The following DCDC2C variants were observed in gnomAD, a reference collection of about 807,000 sequenced individuals.
DCDC2C encodes the protein doublecortin domain-containing protein 2C.
A neutral mutation model predicts 45.0 loss-of-function variants in DCDC2C; 44 were observed. The ratio of observed to expected loss-of-function variants is 0.98; its 90% CI spans 0.77 to 1.26. The LOEUF is 1.26. Among genes scored for constraint, DCDC2C ranks in the 50% most tolerant of loss-of-function variants. DCDC2C has a pLI of 0.00. For synonymous variants in DCDC2C, 187 were observed against 178.8 expected, an observed-to-expected ratio of 1.05 and a Z score of -0.37; for missense variants, 447 against 468.9, an observed-to-expected ratio of 0.95 and a Z score of 0.43.
At chr2:3,839,090 C>T (rs1672149178) in intron 10 of DCDC2C, among the ~76,000 whole-genome samples, 2 of 152,132 alleles carry the variant, frequency 1.3e-5, no homozygotes, top group Non-Finnish European at 2.9e-5. Context: ...CACAGGGGGA[C>T]AGGAAAGCCT....
intron 10 of DCDC2C, among the ~76,000 whole-genome samples, chr2:3,787,377 A>G (rs369008436): frequency 2.0e-5 from 3 of 152,332 alleles, no homozygotes; most frequent in East Asian, 3.9e-4. Flanking sequence ...GAGTGTAAAG[A>G]TTAGAAGTAT....
At chr2:3,742,535 G>A (rs746316765) in intron 4 of DCDC2C, among the ~76,000 whole-genome samples, 12 of 152,110 alleles carry the variant, frequency 7.9e-5, no homozygotes, top group East Asian at 3.9e-4. Flanking sequence ...GGGGTCTGGC[G>A]TGGAGCAAAT....
At chr2:3,837,917 G>T (rs556552221) in intron 10 of DCDC2C, among the ~76,000 whole-genome samples, 37 of 152,274 alleles carry the variant, frequency 2.4e-4, no homozygotes, top group Middle Eastern at 6.8e-3. Context: ...GAAGTGTGGG[G>T]TAGGGCCTGT....
chr2:3,750,298 T>G (rs1024803643), intron 4 of DCDC2C, among the ~76,000 whole-genome samples: 42 of 152,218 alleles, frequency 2.8e-4, no homozygotes, highest in African/African-American at 9.4e-4. Context: ...ATGTTTTCTT[T>G]GATCTTAGCT....
At chr2:3,712,699 T>G (rs570442042) in intron 2 of DCDC2C, among the ~76,000 whole-genome samples, 1 of 152,240 alleles carries the variant, frequency 6.6e-6, no homozygotes, top group African/African-American at 2.4e-5. Context: ...AGAAATGCTT[T>G]GGTGAGATGC....
At chr2:3,802,464 G>A (rs913940220) in intron 10 of DCDC2C, among the ~76,000 whole-genome samples, 25 of 152,198 alleles carry the variant, frequency 1.6e-4, no homozygotes, top group Admixed American at 9.8e-4. Context: ...TGGGGACACT[G>A]AGTATAGGCT....
At chr2:3,747,136 A>ACACACATGCACGCAGCACACAG in intron 4 of DCDC2C, among the ~76,000 whole-genome samples, 1 of 152,150 alleles carries the variant, frequency 6.6e-6, no homozygotes, top group South Asian at 2.1e-4. Flanking sequence ...CCAGGGCGGG[A>ACACACATGCACGCAGCACACAG]CACACATGCA....
At chr2:3,831,905 C>T (rs13425182) in intron 10 of DCDC2C, among the ~76,000 whole-genome samples, 70,887 of 152,104 alleles carry the variant, frequency 0.47, 16,578 homozygotes, top group East Asian at 0.57. Context: ...AAACCATGCG[C>T]GAATGGAAGG....
chr2:3,758,437 G>A (rs1201917394), intron 6 of DCDC2C, among the ~76,000 whole-genome samples: 1 of 152,166 alleles, frequency 6.6e-6, no homozygotes, highest in Non-Finnish European at 1.5e-5. Context: ...TTTTCTGTGA[G>A]AATTGAAACA....
intron 10 of DCDC2C, among the ~76,000 whole-genome samples, chr2:3,837,806 C>T (rs1421088292): frequency 6.6e-6 from 1 of 152,172 alleles, no homozygotes; most frequent in Non-Finnish European, 1.5e-5. Context: ...GTGTGGAGTC[C>T]GTGCGTGGTG....
chr2:3,838,460 G>A (rs199883443), intron 10 of DCDC2C, among the ~76,000 whole-genome samples: 2 of 73,166 alleles, frequency 2.7e-5, no homozygotes, highest in Non-Finnish European at 6.2e-5. Flanking sequence ...GACAGAGAGA[G>A]AGAGAGAGAG....
At chr2:3,755,105 ATG>A (rs1033104772) in intron 6 of DCDC2C, among the ~76,000 whole-genome samples, 19 of 152,212 alleles carry the variant, frequency 1.2e-4, no homozygotes, top group African/African-American at 2.2e-4. Flanking sequence ...GTACTGGTGC[ATG>A]TGTGTGTATA....
chr2:3,703,980 G>A lies in DCDC2C; in HGVS notation c.229G>A (p.Ala77Thr), dbSNP rs1040481051. 9 of 1,298,460 alleles carry A rather than the reference G, an allele frequency of 6.9e-6. No individual in the cohort carries two copies. Among genetic ancestry groups the A allele is most frequent in the East Asian group, 3.1e-5 (1 of 31,932 alleles). The allele number at this position is 1,298,460 out of a possible 1,614,324, so 80.4% of individuals were successfully genotyped here. ...TGGGCACCGGGTGCTGGGGCTGGAC[G>A]CGCTGCAGGCGGGCGGCAAGTACGT... Reference protein sequence around the residue: ...TRGHRVLGLDALQAGGKYVAA... With the variant: ...TRGHRVLGLDTLQAGGKYVAA... The change falls in exon 1 of 11, where the codon GCG (alanine) becomes ACG (threonine). Residue 77 changes from alanine (A) to threonine (T), a missense_variant. Physicochemically the swap from Ala to Thr is moderately conservative, Grantham distance 58. Coordinates refer to ENST00000399143, the MANE Select transcript of DCDC2C (RefSeq NM_001287444.2). This position sits in a 1 kb window ranked among gnomAD's most constrained non-coding sequence, Gnocchi z 4.4.
At chr2:3,704,669 A>G (rs1572543407) in intron 1 of DCDC2C, among the ~76,000 whole-genome samples, 1 of 16,394 alleles carries the variant, frequency 6.1e-5, no homozygotes, top group Non-Finnish European at 1.0e-4. Context: ...GGGTGTGGAG[A>G]GGGGCGTGGG....
chr2:3,833,402 A>G (rs1203307581), intron 10 of DCDC2C, among the ~76,000 whole-genome samples: 5 of 152,178 alleles, frequency 3.3e-5, no homozygotes, highest in African/African-American at 7.2e-5. Context: ...TGTATCTTGT[A>G]GTCACATAAA....
intron 1 of DCDC2C, 111 bp from the exon 2 acceptor site, chr2:3,708,438 G>C: frequency 1.4e-6 from 1 of 724,988 alleles, no homozygotes; most frequent in Non-Finnish European, 2.2e-6. Context: ...GTTCCAAATT[G>C]CTGTGGGGTT....
intron 10 of DCDC2C, among the ~76,000 whole-genome samples, chr2:3,826,483 G>C (rs975013975): frequency 1.3e-5 from 2 of 152,024 alleles, no homozygotes; most frequent in African/African-American, 4.8e-5. Flanking sequence ...TCTTTTGTAG[G>C]TATTAGCTTT....
intron 4 of DCDC2C, 54 bp downstream of exon 4, chr2:3,742,102 C>T: frequency 2.0e-6 from 3 of 1,470,988 alleles, no homozygotes; most frequent in Non-Finnish European, 2.7e-6. Context: ...TGTGTTTATT[C>T]TTTCTATGAG....
chr2:3,726,425 C>T (rs1668689914), intron 2 of DCDC2C, among the ~76,000 whole-genome samples: 2 of 152,096 alleles, frequency 1.3e-5, no homozygotes, highest in Admixed American at 6.5e-5. Flanking sequence ...AGTTCTTTTC[C>T]CCCTTTGTGT....
Sources: allele counts gnomAD v4.1 joint callset (sites outside exome capture counted in the v4.1 genomes callset), GRCh38; gene constraint gnomAD v4.1.1; non-coding constraint Gnocchi (gnomAD v3.1); transcripts MANE v1.5; gene names NCBI Gene and HGNC (gene_info 2026-07-23, HGNC 2026-07-21).